MECOM: variants seen among roughly 807,000 people sequenced by gnomAD.
MECOM encodes histone-lysine N-methyltransferase MECOM.
A neutral mutation model predicts 116.3 loss-of-function variants in MECOM; 13 were observed. That is an observed-to-expected ratio of 0.11 (90% CI 0.07 to 0.18). The LOEUF (loss-of-function observed/expected upper bound fraction) is 0.18, where lower values mean the gene tolerates loss of function less well. Among genes scored for constraint, MECOM ranks in the 10% least tolerant of loss-of-function variants. The probability of loss-of-function intolerance (pLI) is 1.00; values close to 1 mark genes in which losing one functional copy is unlikely to be tolerated. For synonymous variants in MECOM, 528 were observed against 535.2 expected, an observed-to-expected ratio of 0.99 and a Z score of 0.19; for missense variants, 1,299 against 1,509.0, an observed-to-expected ratio of 0.86 and a Z score of 2.31.
chr3:169,398,633 T>A (rs973201146), intron 1 of MECOM, among the ~76,000 whole-genome samples: 4 of 152,198 alleles, frequency 2.6e-5, no homozygotes, highest in Non-Finnish European at 5.9e-5. Flanking sequence ...CTTCCCTGTG[T>A]TGTTTTCTTT....
intron 2 of MECOM, among the ~76,000 whole-genome samples, chr3:169,171,993 T>C (rs555289272): frequency 2.7e-4 from 41 of 152,212 alleles, no homozygotes; most frequent in African/African-American, 6.0e-4. Context: ...AAGTAGACCA[T>C]AAGACAGAGA....
intron 1 of MECOM, among the ~76,000 whole-genome samples, chr3:169,660,119 T>C (rs1776084926): frequency 6.6e-6 from 1 of 152,186 alleles, no homozygotes; most frequent in Non-Finnish European, 1.5e-5. Context: ...TGCACTTCCT[T>C]TCCATCCATC....
intron 2 of MECOM, among the ~76,000 whole-genome samples, chr3:169,161,064 A>G (rs1436210510): frequency 6.6e-6 from 1 of 152,222 alleles, no homozygotes; most frequent in Non-Finnish European, 1.5e-5. Context: ...AATTTGCTCC[A>G]CAAGTATTTA....
intron 1 of MECOM, among the ~76,000 whole-genome samples, chr3:169,486,449 G>A (rs1226241764): frequency 6.6e-5 from 10 of 152,052 alleles, no homozygotes; most frequent in Admixed American, 6.5e-4. Flanking sequence ...AGTATTTGGA[G>A]CTTGTTCTGT....
rs1716880880 is a variant in MECOM at position 169,083,791 on chromosome 3, C to T, written c.*1118G>A. On this transcript the variant is annotated 3_prime_UTR_variant, in exon 17 of 17. Transcript: ENST00000651503. ...AACATCGCACAAGCTTGCAGACAACCAGCATAAAATATGGAGTACAGTTTT... is the reference window on the plus strand; with the variant it reads ...AACATCGCACAAGCTTGCAGACAACTAGCATAAAATATGGAGTACAGTTTT... 4.7e-6 allele frequency: 1 copy of T among 211,290 alleles called. No homozygotes were observed. The highest frequency in any genetic ancestry group is 9.6e-6 in the Non-Finnish European group (1 of 104,272). 13.1% of individuals were successfully genotyped at this position (211,290 alleles called of 1,614,324 possible). A position where few individuals can be genotyped will look rare whatever the true frequency, so the allele number is the denominator to read the frequency against.
At chr3:169,095,348 T>C in intron 12 of MECOM, 103 bp from the exon 13 acceptor site, 1 of 957,964 alleles carries the variant, frequency 1.0e-6, no homozygotes, top group Non-Finnish European at 1.5e-6. Flanking sequence ...TAAAACAACA[T>C]TTTAAAGAAA....
At chr3:169,349,687 C>A (rs1380713238) in intron 2 of MECOM, among the ~76,000 whole-genome samples, 1 of 151,838 alleles carries the variant, frequency 6.6e-6, no homozygotes, top group African/African-American at 2.4e-5. Flanking sequence ...AAATTGTAAT[C>A]GGCAGCATTT....
At chr3:169,507,530 G>A (rs73042814) in intron 1 of MECOM, among the ~76,000 whole-genome samples, 1,665 of 151,842 alleles carry the variant, frequency 0.011, 25 homozygotes, top group African/African-American at 0.038. Context: ...AGAAGGGGTA[G>A]GGAAGAAAAA....
At chr3:169,605,603 G>C (rs986167201) in intron 1 of MECOM, among the ~76,000 whole-genome samples, 17 of 152,192 alleles carry the variant, frequency 1.1e-4, no homozygotes, top group Non-Finnish European at 4.4e-5. Context: ...CCACTGGAAG[G>C]CAGGAGGTGA....
At chr3:169,555,504 A>G (rs1761919304) in intron 1 of MECOM, among the ~76,000 whole-genome samples, 1 of 152,242 alleles carries the variant, frequency 6.6e-6, no homozygotes, top group South Asian at 2.1e-4. Context: ...CTTGGTTACA[A>G]AAGAAAGAAG....
In MECOM at chr3:169,336,504, A is replaced by G. The variant is rs183715242; in HGVS notation, c.375+44683T>C. On this transcript the variant is annotated intron_variant, in intron 2 of 16. Transcript: ENST00000651503. ...AGAAACTCAATATAATTCACTTATC[A>G]GTGCTTGAAATAAAATACATGTTTA... is the stretch of plus-strand genomic sequence containing the variant. Among the ~76,000 whole-genome samples the G allele has an allele frequency of 2.1e-3, 324 of 152,202 alleles. 3 individuals are homozygous for G. The highest frequency in any genetic ancestry group is 7.4e-3 in the African/African-American group (307 of 41,560).
At chr3:169,215,666 AC>A (rs1751337134) in intron 2 of MECOM, among the ~76,000 whole-genome samples, 1 of 152,118 alleles carries the variant, frequency 6.6e-6, no homozygotes, top group Non-Finnish European at 1.5e-5. Context: ...AATCACCCTC[AC>A]CCCTTCCAGA....
At chr3:169,440,292 C>A (rs1332597912) in intron 1 of MECOM, among the ~76,000 whole-genome samples, 1 of 152,034 alleles carries the variant, frequency 6.6e-6, no homozygotes, top group Non-Finnish European at 1.5e-5. Flanking sequence ...CTTGGCTGTA[C>A]ACAGCTCACA....
intron 2 of MECOM, among the ~76,000 whole-genome samples, chr3:169,364,926 T>TG (rs1278599747): frequency 6.6e-6 from 1 of 152,082 alleles, no homozygotes; most frequent in Non-Finnish European, 1.5e-5. Context: ...GCTTGCATAA[T>TG]GTGTCATTTC....
At chr3:169,194,802 T>A (rs1364205490) in intron 2 of MECOM, among the ~76,000 whole-genome samples, 1 of 152,088 alleles carries the variant, frequency 6.6e-6, no homozygotes, top group East Asian at 1.9e-4. Context: ...CAAAGTAGTA[T>A]CAGACTGAAG....
intron 1 of MECOM, among the ~76,000 whole-genome samples, chr3:169,595,968 C>G (rs561162811): frequency 6.6e-6 from 1 of 152,030 alleles, no homozygotes; most frequent in East Asian, 1.9e-4. Flanking sequence ...CACTAGCACA[C>G]CAATAATAAG....
At chr3:169,357,206 A>G (rs1727421280) in intron 2 of MECOM, among the ~76,000 whole-genome samples, 1 of 152,058 alleles carries the variant, frequency 6.6e-6, no homozygotes, top group South Asian at 2.1e-4. Context: ...TAAGAGCTAT[A>G]TAACAATAGC....
intron 2 of MECOM, among the ~76,000 whole-genome samples, chr3:169,224,163 G>C (rs1752454162): frequency 1.3e-5 from 2 of 152,146 alleles, no homozygotes; most frequent in Admixed American, 1.3e-4. Context: ...AAAATAATCT[G>C]AGAGGAGATA....
chr3:169,598,746 G>A (rs539663725), intron 1 of MECOM, among the ~76,000 whole-genome samples: 7 of 152,296 alleles, frequency 4.6e-5, no homozygotes, highest in African/African-American at 1.7e-4. Context: ...ATCTGTTGAC[G>A]TTATTATCAT....
Sources: gnomAD v4.1 joint callset for allele counts (sites outside exome capture counted in the v4.1 genomes callset) on GRCh38, gnomAD v4.1.1 for gene constraint, MANE v1.5 for transcripts, NCBI Gene and HGNC (gene_info 2026-07-23, HGNC 2026-07-21) for gene names.